Variants in FAT3 observed in about 807,000 individuals in gnomAD.
The protein encoded by FAT3 is protocadherin Fat 3.
In FAT3, 95 loss-of-function variants were observed where a neutral mutation model predicts 310.2. The observed-to-expected ratio is 0.31, with a 90% CI of 0.26 to 0.36. FAT3 has a LOEUF of 0.36. Among genes scored for constraint, FAT3 ranks in the 10% least tolerant of loss-of-function variants. FAT3 has a pLI of 1.00. For missense variants in FAT3, 5,408 were observed against 5,715.6 expected (o/e 0.95, Z 1.74); for synonymous variants, 2,314 against 2,192.9 (o/e 1.06, Z -1.54).
intron 3 of FAT3, among the ~76,000 whole-genome samples, chr11:92,680,957 C>G (rs1186001953): frequency 6.6e-6 from 1 of 152,056 alleles, no homozygotes; most frequent in Non-Finnish European, 1.5e-5. Flanking sequence ...AAAAATGGTA[C>G]TAAAAACATT....
chr11:92,468,908 C>G (rs1394581971), intron 2 of FAT3, among the ~76,000 whole-genome samples: 2 of 152,092 alleles, frequency 1.3e-5, no homozygotes, highest in Middle Eastern at 3.2e-3. Context: ...TTTTAGAAGC[C>G]CTGTGCCAAT....
At chr11:92,603,978 A>G (rs1940155714) in intron 3 of FAT3, among the ~76,000 whole-genome samples, 1 of 152,180 alleles carries the variant, frequency 6.6e-6, no homozygotes, top group Non-Finnish European at 1.5e-5. Flanking sequence ...CTTATATTCA[A>G]AATGCTGTAA....
At chr11:92,778,358 T>G (rs1488958652) in intron 7 of FAT3, among the ~76,000 whole-genome samples, 1 of 152,144 alleles carries the variant, frequency 6.6e-6, no homozygotes, top group Non-Finnish European at 1.5e-5. Context: ...TAGCAGATAG[T>G]CCATTAACTG....
At chr11:92,744,770 C>CTG (rs1443780926) in intron 4 of FAT3, among the ~76,000 whole-genome samples, 1 of 152,162 alleles carries the variant, frequency 6.6e-6, no homozygotes, top group East Asian at 1.9e-4. Context: ...TTACAATACA[C>CTG]TGTATGGGCC....
intron 15 of FAT3, among the ~76,000 whole-genome samples, chr11:92,835,934 C>T (rs1293217728): frequency 6.6e-6 from 1 of 152,162 alleles, no homozygotes; most frequent in African/African-American, 2.4e-5. Context: ...TTCCCCATCC[C>T]TTGGCTGGCA....
chr11:92,601,391 C>T (rs1245949147), intron 3 of FAT3, among the ~76,000 whole-genome samples: 1 of 152,074 alleles, frequency 6.6e-6, no homozygotes, highest in Non-Finnish European at 1.5e-5. Flanking sequence ...GAAACACTGT[C>T]TCTACTAAAA....
chr11:92,524,539 C>G, intron 2 of FAT3, 95 bp from the exon 3 acceptor site: 1 of 1,230,780 alleles, frequency 8.1e-7, no homozygotes, highest in Non-Finnish European at 1.1e-6. Flanking sequence ...TTTTCATATG[C>G]CAAGATTATT....
At chr11:92,736,488 G>C (rs1403769668) in intron 4 of FAT3, among the ~76,000 whole-genome samples, 1 of 152,122 alleles carries the variant, frequency 6.6e-6, no homozygotes, top group African/African-American at 2.4e-5. Context: ...AATGGCATTT[G>C]GGGACAGAAT....
chr11:92,790,328 T>G (rs1290918730), intron 8 of FAT3, 110 bp downstream of exon 8: 2 of 1,218,722 alleles, frequency 1.6e-6, no homozygotes, highest in South Asian at 3.2e-5. Context: ...AGTTGTAAAT[T>G]TAGTCTTTTC....
intron 2 of FAT3, chr11:92,367,077 T>G: frequency 2.2e-6 from 1 of 463,806 alleles, no homozygotes; most frequent in East Asian, 5.5e-5. Flanking sequence ...TCTTCTGCAC[T>G]GAGGTGAAGC....
chr11:92,315,493 A>G lies in FAT3; in HGVS notation c.-17-36603A>G, dbSNP rs1276516256. ...TGTGTGTGTGTGTATATATATATAT[A>G]TATATATATATATATATATAGAGAG... On this transcript the variant is annotated intron_variant, in intron 1 of 27. Transcript: ENST00000525166. Among the ~76,000 whole-genome samples, 424 of 83,080 alleles carry G rather than the reference A, an allele frequency of 5.1e-3. 4 individuals carry two copies. Among genetic ancestry groups the G allele is most frequent in the African/African-American group, 0.019 (401 of 20,888 alleles). 54.5% of individuals were successfully genotyped at this position (83,080 alleles called of 152,430 possible).
At chr11:92,480,956 C>T (rs1452555923) in intron 2 of FAT3, among the ~76,000 whole-genome samples, 1 of 152,172 alleles carries the variant, frequency 6.6e-6, no homozygotes, top group South Asian at 2.1e-4. Flanking sequence ...AATGTTATGT[C>T]CAGCCCCTTT....
chr11:92,495,694 G>A (rs1952733250), intron 2 of FAT3, among the ~76,000 whole-genome samples: 1 of 152,002 alleles, frequency 6.6e-6, no homozygotes, highest in Non-Finnish European at 1.5e-5. Flanking sequence ...GTAAAATGGA[G>A]TTCAGCTTTA....
intron 13 of FAT3, among the ~76,000 whole-genome samples, chr11:92,828,960 G>T (rs1238620740): frequency 4.6e-5 from 7 of 152,154 alleles, no homozygotes; most frequent in Non-Finnish European, 7.3e-5. Context: ...CTTCCCTTCT[G>T]GCCTTGCTGC....
Position 92,866,737 on chromosome 11 carries a change from G to A in FAT3, c.11659-4G>A, listed in dbSNP as rs755845135. The A allele has an allele frequency of 5.0e-6, 8 of 1,610,752 alleles. No individual in the cohort carries two copies. Among genetic ancestry groups the A allele is most frequent in the African/African-American group, 1.3e-5 (1 of 74,892 alleles). ...AAGTGCTGCACTGTTCCTTCCCCACGCAGATTGTGGATGGCAAGCTGTGGT... is the reference window on the plus strand; with the variant it reads ...AAGTGCTGCACTGTTCCTTCCCCACACAGATTGTGGATGGCAAGCTGTGGT... On this transcript the variant is annotated splice_region_variant and splice_polypyrimidine_tract_variant and intron_variant, in intron 21 of 27. Transcript: ENST00000525166.
At chr11:92,728,620 G>C (rs1166995257) in intron 4 of FAT3, among the ~76,000 whole-genome samples, 1 of 152,114 alleles carries the variant, frequency 6.6e-6, no homozygotes, top group Non-Finnish European at 1.5e-5. Flanking sequence ...TATTCTCTCA[G>C]AGTTTTAGAG....
intron 2 of FAT3, among the ~76,000 whole-genome samples, chr11:92,436,714 T>C (rs1310749494): frequency 1.3e-5 from 2 of 152,186 alleles, no homozygotes; most frequent in Non-Finnish European, 2.9e-5. Flanking sequence ...CTCGATGCCC[T>C]GTGCCAGCTT....
At chr11:92,413,583 C>G (rs997431557) in intron 2 of FAT3, among the ~76,000 whole-genome samples, 2 of 152,080 alleles carry the variant, frequency 1.3e-5, no homozygotes, top group Admixed American at 6.6e-5. Context: ...TGAGAGCTTC[C>G]TCTGTCTGAA....
intron 2 of FAT3, among the ~76,000 whole-genome samples, chr11:92,479,230 C>T (rs905192204): frequency 1.3e-5 from 2 of 148,416 alleles, no homozygotes; most frequent in African/African-American, 5.0e-5. Flanking sequence ...AGGCTGGTCT[C>T]GAACTCCTGG....
Sources: gnomAD v4.1 joint callset for allele counts (sites outside exome capture counted in the v4.1 genomes callset) on GRCh38, gnomAD v4.1.1 for gene constraint, MANE v1.5 for transcripts, NCBI Gene and HGNC (gene_info 2026-07-23, HGNC 2026-07-21) for gene names.